Variants in EPB41L4B observed in about 807,000 individuals in gnomAD.
EPB41L4B encodes the protein band 4.1-like protein 4B.
A neutral mutation model predicts 112.5 loss-of-function variants in EPB41L4B; 30 were observed. The observed-to-expected ratio is 0.27, with a 90% confidence interval of 0.20 to 0.36. The LOEUF (loss-of-function observed/expected upper bound fraction) is 0.36. Among genes scored for constraint, EPB41L4B ranks in the 10% least tolerant of loss-of-function variants. EPB41L4B has a pLI of 1.00. For synonymous variants in EPB41L4B, 408 were observed against 439.7 expected, an observed-to-expected ratio of 0.93 and a Z score of 0.90; for missense variants, 1,024 against 1,133.3, an observed-to-expected ratio of 0.90 and a Z score of 1.38.
At chr9:109,208,107 T>G in intron 17 of EPB41L4B, 58 bp from the exon 18 acceptor site, 1 of 1,604,846 alleles carries the variant, frequency 6.2e-7, no homozygotes, top group South Asian at 1.1e-5. Flanking sequence ...CCATGTGCAT[T>G]AACTTTTCCC....
At chr9:109,193,500 G>A (rs1360783715) in intron 21 of EPB41L4B, among the ~76,000 whole-genome samples, 1 of 152,244 alleles carries the variant, frequency 6.6e-6, no homozygotes, top group African/African-American at 2.4e-5. Flanking sequence ...TGTGGCTTAT[G>A]AATGGAAGAG....
chr9:109,225,549 C>CA (rs1833732931), intron 15 of EPB41L4B, among the ~76,000 whole-genome samples: 2 of 152,154 alleles, frequency 1.3e-5, no homozygotes, highest in Non-Finnish European at 2.9e-5. Flanking sequence ...TTCACTACCA[C>CA]AGTAGGGGGG....
intron 17 of EPB41L4B, among the ~76,000 whole-genome samples, chr9:109,209,407 T>A (rs1833084954): frequency 6.6e-6 from 1 of 151,130 alleles, no homozygotes; most frequent in Admixed American, 6.6e-5. Flanking sequence ...ACACTTGTAA[T>A]CCCAGCGCTT....
At chr9:109,181,943 T>G (rs1832073294) in intron 24 of EPB41L4B, among the ~76,000 whole-genome samples, 1 of 152,238 alleles carries the variant, frequency 6.6e-6, no homozygotes, top group Non-Finnish European at 1.5e-5. Context: ...GCATGGTGGC[T>G]CACGCCTGTA....
At chr9:109,267,664 C>T in intron 3 of EPB41L4B, 113 bp from the exon 4 acceptor site, 1 of 703,666 alleles carries the variant, frequency 1.4e-6, no homozygotes, top group Non-Finnish European at 2.5e-6. Context: ...AACATCAGGA[C>T]AGCATAACTG....
chr9:109,234,766 G>T (rs1834079651), intron 15 of EPB41L4B, among the ~76,000 whole-genome samples: 2 of 152,208 alleles, frequency 1.3e-5, no homozygotes, highest in Non-Finnish European at 2.9e-5. Context: ...GCTGAAGTGA[G>T]AGGATCACTT....
chr9:109,255,558 T>A lies in EPB41L4B; in HGVS notation c.1122A>T (p.Lys374Asn). Reference sequence around the variant, plus strand: ...GCCTGATAAAGTCGGATCTATTGGATTTGCTGTTTCCTGGCGTCCGCAGTC... The same window carrying A: ...GCCTGATAAAGTCGGATCTATTGGAATTGCTGTTTCCTGGCGTCCGCAGTC... ...FFRLRTPGNS[K>N]SNRSDFIRLG... The change falls in exon 11 of 26, where the codon AAA (lysine) becomes AAT (asparagine). Residue 374 changes from lysine (K) to asparagine (N), a missense_variant. Lys to Asn is a moderately conservative substitution (Grantham distance 94, BLOSUM62 0). Coordinates refer to ENST00000374566, the MANE Select transcript of EPB41L4B (RefSeq NM_019114.5). 1 of 1,614,194 alleles carries A rather than the reference T, an allele frequency of 6.2e-7. No homozygotes were observed. The highest frequency in any genetic ancestry group is 8.5e-7 in the Non-Finnish European group (1 of 1,180,040).
At chr9:109,176,739 T>C (rs777310071) in intron 24 of EPB41L4B, 43 bp from the exon 25 acceptor site, 3 of 1,610,164 alleles carry the variant, frequency 1.9e-6, no homozygotes, top group Non-Finnish European at 2.5e-6. Context: ...TCAATTTGGG[T>C]TCCATTTTCA....
intron 2 of EPB41L4B, among the ~76,000 whole-genome samples, chr9:109,276,982 T>C (rs919181596): frequency 1.3e-5 from 2 of 152,146 alleles, no homozygotes; most frequent in African/African-American, 2.4e-5. Context: ...AAGTACCCCA[T>C]TTTACAGATG....
chr9:109,276,605 C>A (rs1835840119), intron 2 of EPB41L4B, among the ~76,000 whole-genome samples: 1 of 152,252 alleles, frequency 6.6e-6, no homozygotes, highest in African/African-American at 2.4e-5. Flanking sequence ...GCCTGAGAGC[C>A]TGAGCATCTT....
chr9:109,249,070 A>T (rs796803993), intron 13 of EPB41L4B, among the ~76,000 whole-genome samples: 4,840 of 144,564 alleles, frequency 0.033, 117 homozygotes, highest in East Asian at 0.063. Flanking sequence ...AAAAAAAAAA[A>T]AAATATATAT....
In EPB41L4B at chr9:109,320,254, G is replaced by A. The variant is rs1447283092; in HGVS notation, c.193C>T (p.Pro65Ser). 1.4e-5 allele frequency: 17 copies of A among 1,216,306 alleles called. No individual in the cohort carries two copies. Among genetic ancestry groups the A allele is most frequent in the East Asian group, 3.4e-5 (1 of 29,658 alleles). 75.3% of individuals were successfully genotyped at this position (1,216,306 alleles called of 1,614,324 possible). A position where few individuals can be genotyped will look rare whatever the true frequency, so the allele number is the denominator to read the frequency against. Residue 65 changes from proline (P) to serine (S), a missense_variant, in exon 1 of 26, where the codon CCC becomes TCC. Coordinates refer to ENST00000374566, the MANE Select transcript of EPB41L4B (RefSeq NM_019114.5). ...GGSVFPAGGG[P>S]LLTGGAAVHI... ...ACGGCCGCGCCGCCGGTGAGCAGGG[G>A]CCCGCCGCCCGCCGGGAACACGCTG...
chr9:109,209,027 C>G (rs1486583185), intron 17 of EPB41L4B, among the ~76,000 whole-genome samples: 3 of 152,122 alleles, frequency 2.0e-5, no homozygotes, highest in African/African-American at 2.4e-5. Context: ...AATATTAGGA[C>G]TAAATGTGAC....
intron 9 of EPB41L4B, 109 bp downstream of exon 9, chr9:109,256,027 C>T: frequency 8.4e-7 from 1 of 1,186,920 alleles, no homozygotes; most frequent in East Asian, 2.3e-5. Context: ...ACCGTGTGCT[C>T]TGAGGATGAA....
chr9:109,313,833 G>C (rs1837516745), intron 1 of EPB41L4B, among the ~76,000 whole-genome samples: 1 of 152,188 alleles, frequency 6.6e-6, no homozygotes, highest in Admixed American at 6.5e-5. Flanking sequence ...GGTGGGAGTA[G>C]ACAGAGACTT....
intron 2 of EPB41L4B, among the ~76,000 whole-genome samples, chr9:109,273,308 G>A (rs1835695999): frequency 6.6e-6 from 1 of 151,638 alleles, no homozygotes; most frequent in South Asian, 2.1e-4. Flanking sequence ...GTGCAGTGGT[G>A]TGATCTGGGC....
Position 109,307,022 on chromosome 9 carries a change from T to G in EPB41L4B, c.306+13119A>C, listed in dbSNP as rs538803847. Among the ~76,000 whole-genome samples the G allele has an allele frequency of 9.2e-5, 14 of 151,380 alleles. No individual in the cohort carries two copies. The East Asian group carries it at 2.7e-3, about 29-fold the overall frequency. ...ACTAGATGTGCTGCAGTTGTTTTTT[T>G]TTTTTTTTTTTTCTTCAAGAAATAA... On this transcript the variant is annotated intron_variant, in intron 1 of 25. Coordinates refer to ENST00000374566, the MANE Select transcript of EPB41L4B (RefSeq NM_019114.5).
At chr9:109,240,958 A>G (rs111822098) in intron 15 of EPB41L4B, 314 of 985,360 alleles carry the variant, frequency 3.2e-4, no homozygotes, top group Non-Finnish European at 3.6e-4. Flanking sequence ...TTAAATTCAA[A>G]GTAGCTCAAC....
intron 17 of EPB41L4B, 140 bp from the exon 18 acceptor site, chr9:109,208,189 T>A (rs1833046972): frequency 2.0e-6 from 2 of 1,017,360 alleles, no homozygotes; most frequent in South Asian, 1.7e-5. Flanking sequence ...TATATTTTTA[T>A]CTGTGCTTTA....
Sources: allele counts gnomAD v4.1 joint callset (sites outside exome capture counted in the v4.1 genomes callset), GRCh38; gene constraint gnomAD v4.1.1; transcripts MANE v1.5; gene names NCBI Gene and HGNC (gene_info 2026-07-23, HGNC 2026-07-21).